Variants in BTD observed in about 807,000 individuals in gnomAD.
BTD encodes biocytinase.
BTD carries 13 observed loss-of-function variants against 17.7 expected under a neutral mutation model. That is an observed-to-expected ratio of 0.74 (90% CI 0.48 to 1.17). BTD has a LOEUF of 1.17. Ranked by LOEUF, BTD falls within the 50% of genes most tolerant of loss-of-function variation. The pLI, the probability that BTD is intolerant of heterozygous loss-of-function variation, is 0.00. For missense variants in BTD, 674 were observed against 650.4 expected (o/e 1.04, Z -0.39); for synonymous variants, 240 against 245.2 (o/e 0.98, Z 0.20).
intron 3 of BTD, chr3:15,695,138 G>A (rs1166211561): frequency 3.5e-6 from 5 of 1,425,418 alleles, no homozygotes; most frequent in African/African-American, 1.4e-5. Context: ...TAACTGGTAG[G>A]AGGGAACTGA....
chr3:15,621,006 A>C (rs2064937662), intron 1 of BTD, among the ~76,000 whole-genome samples: 1 of 152,252 alleles, frequency 6.6e-6, no homozygotes, highest in South Asian at 2.1e-4. Context: ...CCTGGAGTCC[A>C]CAGGCCAGGG....
intron 1 of BTD, among the ~76,000 whole-genome samples, chr3:15,632,226 C>T (rs1575008478): frequency 6.6e-6 from 1 of 152,202 alleles, no homozygotes. Flanking sequence ...TTCACTGCCT[C>T]ATTTCTCCTT....
chr3:15,686,587 C>T (rs2068154313), intron 3 of BTD: 1 of 427,488 alleles, frequency 2.3e-6, no homozygotes, highest in Non-Finnish European at 4.3e-6. Context: ...TTTTATTTAG[C>T]TCTCTGGCAA....
intron 1 of BTD, among the ~76,000 whole-genome samples, chr3:15,618,935 A>C (rs1188227520): frequency 6.6e-6 from 1 of 152,236 alleles, no homozygotes; most frequent in Non-Finnish European, 1.5e-5. Flanking sequence ...ATAATAACTT[A>C]TTAGTTCCAG....
downstream of BTD, chr3:15,714,698 T>C: frequency 7.1e-7 from 1 of 1,416,296 alleles, no homozygotes; most frequent in Non-Finnish European, 9.7e-7. Context: ...ACTATATCCA[T>C]AATGTGTAAA....
chr3:15,634,647 A>G (rs2065296389), intron 1 of BTD, among the ~76,000 whole-genome samples: 1 of 152,220 alleles, frequency 6.6e-6, no homozygotes, highest in Non-Finnish European at 1.5e-5. Context: ...TTATCACTGC[A>G]AAAAGGATTT....
At chr3:15,721,419 C>T (rs955593808) in intron 4 of BTD, among the ~76,000 whole-genome samples, 1 of 151,998 alleles carries the variant, frequency 6.6e-6, no homozygotes, top group African/African-American at 2.4e-5. Flanking sequence ...GAAACGTAAA[C>T]TAATGTATTT....
At chr3:15,630,074 T>G (rs2065168253) in intron 1 of BTD, 1 of 985,340 alleles carries the variant, frequency 1.0e-6, no homozygotes, top group Admixed American at 6.1e-5. Flanking sequence ...CCAGTCATAT[T>G]GTATGAAATT....
exon 5 of BTD, among the ~76,000 whole-genome samples, chr3:15,722,082 T>C (rs1213503702): frequency 2.0e-5 from 3 of 152,166 alleles, no homozygotes; most frequent in African/African-American, 7.2e-5. Context: ...GAATAGTTTA[T>C]ATGATTAGTG....
At chr3:15,719,809 C>T (rs2073499920) in intron 4 of BTD, among the ~76,000 whole-genome samples, 1 of 152,078 alleles carries the variant, frequency 6.6e-6, no homozygotes, top group African/African-American at 2.4e-5. Flanking sequence ...CTCGCCTTGG[C>T]CTCCTAAAGC....
rs397514419 is a variant in BTD at position 15,645,208 on chromosome 3, G to A, written c.1292G>A (p.Gly431Asp). ...TTTGATGGGCTTCACACAGTACATG[G>A]CACTTACTACATCCAAGTGTGTGCC... ...GVFDGLHTVH[G>D]TYYIQVCALV... The change falls in exon 4 of 4, where the codon GGC becomes GAC. Residue 431 changes from glycine (G) to aspartate (D), a missense_variant. Physicochemically the swap from Gly to Asp is moderately conservative, Grantham distance 94. Coordinates refer to ENST00000643237, the MANE Select transcript of BTD (RefSeq NM_001370658.1). The A allele has an allele frequency of 1.9e-6, 3 of 1,614,182 alleles. No individual in the cohort carries two copies. In the South Asian group the frequency reaches 3.3e-5, roughly 18 times the overall value.
chr3:15,636,460 A>G (rs116701702), intron 2 of BTD, among the ~76,000 whole-genome samples: 173 of 152,324 alleles, frequency 1.1e-3, no homozygotes, highest in African/African-American at 4.0e-3. Flanking sequence ...AAAGAGGGAA[A>G]TATCAGAGGT....
chr3:15,664,919 C>A (rs902759559), intron 3 of BTD, among the ~76,000 whole-genome samples: 3 of 151,644 alleles, frequency 2.0e-5, no homozygotes, highest in Admixed American at 6.6e-5. Context: ...ACGCCTATTA[C>A]CTGGGTGATG....
chr3:15,696,004 A>G, intron 3 of BTD: 1 of 662,992 alleles, frequency 1.5e-6, no homozygotes, highest in Non-Finnish European at 2.6e-6. Flanking sequence ...TGAATTTAAG[A>G]GGTATATAAA....
At chr3:15,707,551 T>C (rs571279945) in intron 3 of BTD, among the ~76,000 whole-genome samples, 1 of 152,272 alleles carries the variant, frequency 6.6e-6, no homozygotes, top group East Asian at 1.9e-4. Flanking sequence ...CTCTACCCAA[T>C]CTTCTGATGA....
chr3:15,721,947 G>A (rs1575386526), exon 5 of BTD, among the ~76,000 whole-genome samples: 2 of 152,286 alleles, frequency 1.3e-5, no homozygotes, highest in Admixed American at 1.3e-4. Flanking sequence ...GTGTCACCAT[G>A]TTGGCCAGGC....
At chr3:15,629,393 T>C (rs536834986) in intron 1 of BTD, among the ~76,000 whole-genome samples, 91 of 152,266 alleles carry the variant, frequency 6.0e-4, no homozygotes, top group African/African-American at 2.1e-3. Flanking sequence ...GTTCAAGCCT[T>C]CAGGTGACTC....
chr3:15,644,353 A>T lies in BTD; in HGVS notation c.437A>T (p.Asp146Val). Residue 146 changes from aspartate to valine, a missense_variant, in exon 4 of 4, where the codon GAT becomes GTT. By Grantham distance (152) the Asp-to-Val change is radical (BLOSUM62 -3). Coordinates refer to ENST00000643237, the MANE Select transcript of BTD (RefSeq NM_001370658.1). ...QRLSCMAIRG[D>V]MFLVANLGTK... ...CTGAGTTGTATGGCCATCAGGGGAG[A>T]TATGTTCTTGGTGGCCAATCTTGGG... The T allele has an allele frequency of 1.9e-6, 3 of 1,613,596 alleles. No individual in the cohort carries two copies. The highest frequency in any genetic ancestry group is 2.5e-6 in the Non-Finnish European group (3 of 1,179,924).
chr3:15,665,686 A>T lies in BTD; in HGVS notation c.399+23629A>T, dbSNP rs1429122763. 2.6e-5 allele frequency among the ~76,000 whole-genome samples: 4 copies of T among 152,326 alleles called. No homozygotes were observed. The East Asian group carries it at 5.8e-4, about 22-fold the overall frequency. Reference sequence around the variant, plus strand: ...CCAAAATGGCAGAGAATACTGCCCCATCCCACGGAGGTAGGGCGTGGCCAC... The same window carrying T: ...CCAAAATGGCAGAGAATACTGCCCCTTCCCACGGAGGTAGGGCGTGGCCAC... On this transcript the variant is annotated intron_variant, in intron 3 of 3. Coordinates refer to the BTD transcript ENST00000672141.
Sources: allele counts gnomAD v4.1 joint callset (sites outside exome capture counted in the v4.1 genomes callset), GRCh38; gene constraint gnomAD v4.1.1; transcripts MANE v1.5; gene names NCBI Gene and HGNC (gene_info 2026-07-23, HGNC 2026-07-21).